FERMT2: variants seen among roughly 807,000 people sequenced by gnomAD.
FERMT2 encodes fermitin family homolog 2.
In FERMT2, 15 loss-of-function variants were observed where a neutral mutation model predicts 82.7. The observed-to-expected ratio is 0.18, with a 90% CI of 0.12 to 0.28. The LOEUF is 0.28. Ranked by LOEUF, FERMT2 falls within the 10% of genes least tolerant of loss-of-function variation. The pLI, the probability that FERMT2 is intolerant of heterozygous loss-of-function variation, is 1.00. For missense variants in FERMT2, 645 were observed against 809.4 expected (o/e 0.80, Z 2.46); for synonymous variants, 274 against 271.5 (o/e 1.01, Z -0.09).
intron 3 of FERMT2, among the ~76,000 whole-genome samples, chr14:52,916,771 T>C (rs1888636991): frequency 6.6e-6 from 1 of 152,216 alleles, no homozygotes; most frequent in South Asian, 2.1e-4. Context: ...GGGAAGGTTG[T>C]GCATGTGTGA....
In FERMT2 at chr14:52,950,582, G is replaced by T; in HGVS notation, c.-9-5C>A. The stretch of plus-strand genomic sequence containing the variant: ...GTCCAGAGCCATGGCTCCTTCCTGC[G>T]AGCGCGGAGGAAATGGCTCTCGTAA... On this transcript the variant is annotated splice_region_variant and splice_polypyrimidine_tract_variant and intron_variant, in intron 1 of 14. Coordinates refer to ENST00000341590, the MANE Select transcript of FERMT2 (RefSeq NM_006832.3). 10 of 1,610,338 alleles carry T rather than the reference G, an allele frequency of 6.2e-6. No homozygotes were observed. The highest frequency in any genetic ancestry group is 1.1e-5 in the South Asian group (1 of 90,532).
chr14:52,912,453 T>C (rs889656343), intron 3 of FERMT2, among the ~76,000 whole-genome samples: 1 of 151,940 alleles, frequency 6.6e-6, no homozygotes, highest in Admixed American at 6.6e-5. Flanking sequence ...TTAGAGGAAA[T>C]ATAATGTAAC....
chr14:52,950,848 A>C, intron 1 of FERMT2, 73 bp downstream of exon 1: 2 of 282,882 alleles, frequency 7.1e-6, no homozygotes, highest in Non-Finnish European at 1.3e-5. Context: ...GCCCCGAGAC[A>C]CAGCGCGGGC....
chr14:52,932,491 G>A (rs752314100), intron 2 of FERMT2, among the ~76,000 whole-genome samples: 2 of 152,124 alleles, frequency 1.3e-5, no homozygotes, highest in Non-Finnish European at 2.9e-5. Flanking sequence ...ACTCAAAGAG[G>A]TTATGGTTAG....
intron 3 of FERMT2, among the ~76,000 whole-genome samples, chr14:52,918,313 A>C (rs565631334): frequency 6.6e-6 from 1 of 152,322 alleles, no homozygotes; most frequent in East Asian, 1.9e-4. Context: ...TGGACAAATA[A>C]ATGCATAGAA....
rs116433237 is a variant in FERMT2, at chr14:52,943,400, C to T, written c.157+7012G>A. ...GTCAATAAGCCATTTATTATATAAT[C>T]TCCTGTAGCTCCACACTTGGTGGCT... On this transcript the variant is annotated intron_variant, in intron 2 of 14. Coordinates refer to ENST00000341590, the MANE Select transcript of FERMT2 (RefSeq NM_006832.3). 9.2e-3 allele frequency among the ~76,000 whole-genome samples: 1,402 copies of T among 152,170 alleles called. 20 individuals carry two copies. The highest frequency in any genetic ancestry group is 0.032 in the African/African-American group (1,318 of 41,498).
At chr14:52,874,254 T>A (rs1176323223) in intron 8 of FERMT2, 28 bp from the exon 9 acceptor site, 3 of 1,481,238 alleles carry the variant, frequency 2.0e-6, no homozygotes, top group African/African-American at 1.4e-5. Flanking sequence ...CCTTTTTTAA[T>A]TTTTTTAATA....
chr14:52,920,213 AG>A lies in FERMT2; in HGVS notation c.158-858del, dbSNP rs1469822308. On this transcript the variant is annotated intron_variant, in intron 2 of 14. Coordinates refer to ENST00000341590, the MANE Select transcript of FERMT2 (RefSeq NM_006832.3). ...TTATTTATTTACTTATGACTAGGAT[AG>A]GAAGTTGGTTTTTAAAGCTGCAATC... Among the ~76,000 whole-genome samples, 3 of 152,262 alleles carry A rather than the reference AG, an allele frequency of 2.0e-5. 1 individual carries two copies. Among genetic ancestry groups the A allele is most frequent in the Admixed American group, 2.0e-4 (3 of 15,292 alleles).
intron 10 of FERMT2, 54 bp downstream of exon 10, chr14:52,872,745 A>G (rs1885703147): frequency 5.7e-6 from 9 of 1,590,300 alleles, no homozygotes; most frequent in South Asian, 3.4e-5. Context: ...CTCATTGACT[A>G]TTAGGCCAAT....
chr14:52,902,748 A>G (rs1887724566), intron 3 of FERMT2, among the ~76,000 whole-genome samples: 1 of 151,048 alleles, frequency 6.6e-6, no homozygotes, highest in Non-Finnish European at 1.5e-5. Flanking sequence ...GAGTGCCTGT[A>G]ATCCCAGCTA....
At chr14:52,874,390 T>C (rs541597650) in intron 8 of FERMT2, among the ~76,000 whole-genome samples, 164 bp from the exon 9 acceptor site, 1 of 152,200 alleles carries the variant, frequency 6.6e-6, no homozygotes, top group Non-Finnish European at 1.5e-5. Context: ...TTGTGGACCA[T>C]ATTCTTCTTG....
intron 12 of FERMT2, chr14:52,863,462 C>G (rs1395098448): frequency 6.6e-6 from 1 of 152,006 alleles, no homozygotes; most frequent in Non-Finnish European, 1.5e-5. Context: ...AAGCCTTTTC[C>G]TTTTATGGCA....
At chr14:52,905,188 C>CAA (rs71125148) in intron 3 of FERMT2, among the ~76,000 whole-genome samples, 195 of 126,650 alleles carry the variant, frequency 1.5e-3, no homozygotes, top group East Asian at 5.3e-3. Context: ...GACTCCATCT[C>CAA]AAAAAAAAAA....
intron 4 of FERMT2, among the ~76,000 whole-genome samples, chr14:52,888,923 T>C (rs975710126): frequency 6.6e-6 from 1 of 152,188 alleles, no homozygotes; most frequent in African/African-American, 2.4e-5. Flanking sequence ...GGTTGTGGCA[T>C]CTCTGGCCAC....
intron 4 of FERMT2, among the ~76,000 whole-genome samples, chr14:52,883,300 A>T (rs938282887): frequency 6.6e-6 from 1 of 152,144 alleles, no homozygotes; most frequent in Non-Finnish European, 1.5e-5. Flanking sequence ...TAGATCCTTA[A>T]ACTAGACAGG....
At chr14:52,903,363 C>A (rs1239112839) in intron 3 of FERMT2, among the ~76,000 whole-genome samples, 1 of 151,922 alleles carries the variant, frequency 6.6e-6, no homozygotes, top group Non-Finnish European at 1.5e-5. Flanking sequence ...CATAGTGATA[C>A]CCCATCTCTA....
intron 2 of FERMT2, among the ~76,000 whole-genome samples, chr14:52,943,766 G>A (rs1890200501): frequency 6.6e-6 from 1 of 152,202 alleles, no homozygotes; most frequent in African/African-American, 2.4e-5. Context: ...TCTAGATGAA[G>A]ATTACGCAGT....
chr14:52,863,574 C>G (rs1015329624), intron 12 of FERMT2: 3 of 152,042 alleles, frequency 2.0e-5, no homozygotes, highest in Non-Finnish European at 2.9e-5. Flanking sequence ...AGTAGCAGCC[C>G]TTTTATGGTA....
At chr14:52,861,131 C>T in intron 12 of FERMT2, 2 of 1,074,216 alleles carry the variant, frequency 1.9e-6, no homozygotes, top group Non-Finnish European at 1.3e-6. Flanking sequence ...GTTGCGGTCA[C>T]CTGCAAACCA....
Sources: allele counts gnomAD v4.1 joint callset (sites outside exome capture counted in the v4.1 genomes callset), GRCh38; gene constraint gnomAD v4.1.1; transcripts MANE v1.5; gene names NCBI Gene and HGNC (gene_info 2026-07-23, HGNC 2026-07-21).